The following TDRD5 variants were observed in gnomAD, a reference collection of about 807,000 sequenced individuals.
The protein encoded by TDRD5 is tudor domain-containing protein 5.
A neutral mutation model predicts 120.6 loss-of-function variants in TDRD5; 41 were observed. The observed-to-expected ratio is 0.34, with a 90% confidence interval of 0.26 to 0.44. TDRD5 has a LOEUF of 0.44. TDRD5 is among the 20% of genes least tolerant of loss of function. The pLI is 1.00. For missense variants in TDRD5, 1,006 were observed against 1,221.2 expected, an observed-to-expected ratio of 0.82 and a Z score of 2.63; for synonymous variants, 430 against 433.7, an observed-to-expected ratio of 0.99 and a Z score of 0.11.
chr1:179,680,439 A>G (rs1379975797), intron 17 of TDRD5, among the ~76,000 whole-genome samples: 1 of 152,180 alleles, frequency 6.6e-6, no homozygotes, highest in African/African-American at 2.4e-5. Flanking sequence ...CAGTTTGAAC[A>G]GGTTTTGCTT....
chr1:179,641,977 A>C (rs2102031357), intron 11 of TDRD5, among the ~76,000 whole-genome samples: 1 of 152,190 alleles, frequency 6.6e-6, no homozygotes, highest in East Asian at 1.9e-4. Flanking sequence ...CTATTTTGCC[A>C]TCAGGAAGCA....
At chr1:179,660,763 C>A (rs1236261632) in intron 14 of TDRD5, among the ~76,000 whole-genome samples, 1 of 151,912 alleles carries the variant, frequency 6.6e-6, no homozygotes, top group Non-Finnish European at 1.5e-5. Flanking sequence ...TTATATATAC[C>A]CAGATATTTA....
intron 12 of TDRD5, among the ~76,000 whole-genome samples, chr1:179,651,380 T>C (rs1157300996): frequency 6.6e-6 from 1 of 152,096 alleles, no homozygotes; most frequent in Non-Finnish European, 1.5e-5. Context: ...AGAGAATTGC[T>C]TGAACCTGGG....
intron 14 of TDRD5, among the ~76,000 whole-genome samples, chr1:179,657,890 T>G (rs2102083669): frequency 6.6e-6 from 1 of 152,324 alleles, no homozygotes; most frequent in South Asian, 2.1e-4. Flanking sequence ...CTGGCAATTT[T>G]TAAGTATACA....
chr1:179,600,666 C>T (rs758206644), intron 4 of TDRD5, among the ~76,000 whole-genome samples: 4 of 151,964 alleles, frequency 2.6e-5, no homozygotes, highest in African/African-American at 4.8e-5. Flanking sequence ...TTTGTAACTT[C>T]TGTTTACTTT....
intron 9 of TDRD5, among the ~76,000 whole-genome samples, chr1:179,636,209 A>G (rs893924708): frequency 6.6e-6 from 1 of 152,278 alleles, no homozygotes; most frequent in African/African-American, 2.4e-5. Context: ...TAATCTGTTG[A>G]GATATGTTGT....
chr1:179,646,268 C>T lies in TDRD5; in HGVS notation c.1801-4599C>T, dbSNP rs556735357. Among the ~76,000 whole-genome samples, 161 of 152,254 alleles carry T rather than the reference C, an allele frequency of 1.1e-3. 1 individual carries two copies. The highest frequency in any genetic ancestry group is 3.8e-3 in the African/African-American group (158 of 41,540). The stretch of plus-strand genomic sequence containing the variant: ...ACATTAGAGCACTTTAACTCCTTTA[C>T]CCTCCTCTTCTAACCTGTTTTTGTT... On this transcript the variant is annotated intron_variant, in intron 11 of 17. Transcript: ENST00000444136.
chr1:179,624,006 A>G (rs1306807947), intron 6 of TDRD5, among the ~76,000 whole-genome samples: 2 of 152,110 alleles, frequency 1.3e-5, no homozygotes, highest in African/African-American at 2.4e-5. Context: ...CAAAAAACCA[A>G]TTAGAACATG....
intron 17 of TDRD5, among the ~76,000 whole-genome samples, chr1:179,675,273 A>ATTATTAT (rs1444171268): frequency 2.7e-3 from 177 of 66,614 alleles, no homozygotes; most frequent in Non-Finnish European, 4.3e-3. Context: ...TATTATTATT[A>ATTATTAT]TTTTTTTTTT....
chr1:179,680,465 T>C (rs1287057200), intron 17 of TDRD5, among the ~76,000 whole-genome samples: 1 of 152,216 alleles, frequency 6.6e-6, no homozygotes, highest in Non-Finnish European at 1.5e-5. Flanking sequence ...ACTTTGAAGC[T>C]CTGTTAATTA....
intron 4 of TDRD5, among the ~76,000 whole-genome samples, chr1:179,598,869 C>T (rs935404381): frequency 3.9e-5 from 6 of 151,984 alleles, no homozygotes; most frequent in African/African-American, 1.2e-4. Flanking sequence ...TTTCCTCCAA[C>T]CCTTACCACA....
chr1:179,606,326 T>C (rs189611374), intron 4 of TDRD5, among the ~76,000 whole-genome samples: 3 of 151,898 alleles, frequency 2.0e-5, no homozygotes, highest in African/African-American at 7.2e-5. Context: ...TTCTTTGTTT[T>C]GTTTTGTTTT....
intron 6 of TDRD5, among the ~76,000 whole-genome samples, chr1:179,626,282 A>ATAGT (rs1197724743): frequency 6.6e-6 from 1 of 152,236 alleles, no homozygotes; most frequent in Non-Finnish European, 1.5e-5. Context: ...AATCTGAAAA[A>ATAGT]TAGTTGCTGT....
chr1:179,595,926 A>G, intron 4 of TDRD5, 108 bp downstream of exon 4: 1 of 1,123,858 alleles, frequency 8.9e-7, no homozygotes, highest in Non-Finnish European at 1.2e-6. Flanking sequence ...GAAGTCATTC[A>G]CTTATTTCAA....
chr1:179,663,301 C>T, intron 15 of TDRD5, 47 bp from the exon 16 acceptor site: 2 of 1,552,514 alleles, frequency 1.3e-6, no homozygotes, highest in Admixed American at 2.2e-5. Flanking sequence ...CTTTTTGGGT[C>T]ATGTTGCACT....
chr1:179,612,238 C>G (rs1055389754), intron 4 of TDRD5, among the ~76,000 whole-genome samples: 9 of 152,108 alleles, frequency 5.9e-5, no homozygotes, highest in African/African-American at 1.9e-4. Flanking sequence ...AAATGAGGAT[C>G]AGAATGTCTT....
At chr1:179,663,073 G>T (rs1474971431) in intron 15 of TDRD5, among the ~76,000 whole-genome samples, 1 of 151,966 alleles carries the variant, frequency 6.6e-6, no homozygotes, top group Non-Finnish European at 1.5e-5. Flanking sequence ...TAAGTACTAG[G>T]TGATCATGAA....
chr1:179,643,106 A>T (rs1172808275), intron 11 of TDRD5, among the ~76,000 whole-genome samples: 1 of 152,186 alleles, frequency 6.6e-6, no homozygotes, highest in East Asian at 1.9e-4. Flanking sequence ...AGTGTTGGGG[A>T]ACTCAGTAGC....
intron 4 of TDRD5, among the ~76,000 whole-genome samples, 198 bp downstream of exon 4, chr1:179,596,016 A>C (rs1190106918): frequency 2.6e-5 from 4 of 151,906 alleles, no homozygotes; most frequent in Non-Finnish European, 5.9e-5. Flanking sequence ...AATTTTATCA[A>C]CTCCACAGTT....
Sources: allele counts gnomAD v4.1 joint callset (sites outside exome capture counted in the v4.1 genomes callset), GRCh38; gene constraint gnomAD v4.1.1; transcripts MANE v1.5; gene names NCBI Gene and HGNC (gene_info 2026-07-23, HGNC 2026-07-21).